The following MGAT4C variants were observed in gnomAD, a reference collection of about 807,000 sequenced individuals.
MGAT4C encodes MGAT4 family member C.
In MGAT4C, 19 loss-of-function variants were observed where a neutral mutation model predicts 40.1. The observed-to-expected ratio is 0.47, with a 90% CI of 0.33 to 0.70. The LOEUF is 0.70. Among genes scored for constraint, MGAT4C ranks in the 30% least tolerant of loss-of-function variants. The pLI is 0.02. For missense variants in MGAT4C, 491 were observed against 563.2 expected (o/e 0.87, Z 1.30); for synonymous variants, 181 against 187.1 (o/e 0.97, Z 0.27).
chr12:86,568,426 A>T (rs7314947), intron 2 of MGAT4C, among the ~76,000 whole-genome samples: 4 of 151,702 alleles, frequency 2.6e-5, no homozygotes, highest in African/African-American at 7.3e-5. Context: ...GCCCTGTTCG[A>T]TTCCCTACTT....
intron 1 of MGAT4C, among the ~76,000 whole-genome samples, chr12:86,827,468 G>C: frequency 6.6e-6 from 1 of 151,266 alleles, no homozygotes; most frequent in East Asian, 1.9e-4. Flanking sequence ...ATAACTACCA[G>C]GTCAGAATCA....
chr12:86,348,925 TTG>T (rs1375795526), intron 3 of MGAT4C, among the ~76,000 whole-genome samples: 2 of 152,126 alleles, frequency 1.3e-5, no homozygotes, highest in Admixed American at 6.6e-5. Context: ...ATTATCAACT[TTG>T]TGGAATTTTC....
intron 2 of MGAT4C, among the ~76,000 whole-genome samples, chr12:86,562,177 T>A (rs1259217843): frequency 2.0e-5 from 3 of 152,166 alleles, no homozygotes; most frequent in African/African-American, 7.2e-5. Context: ...AGAAGCACAC[T>A]CTGAGCCTCA....
intron 2 of MGAT4C, among the ~76,000 whole-genome samples, chr12:85,995,671 C>T (rs1333125405): frequency 6.6e-6 from 1 of 152,066 alleles, no homozygotes; most frequent in African/African-American, 2.4e-5. Flanking sequence ...ACATTGAGAC[C>T]ACCCTGGGCA....
intron 1 of MGAT4C, among the ~76,000 whole-genome samples, chr12:86,117,030 C>T (rs550803976): frequency 6.3e-4 from 96 of 151,966 alleles, no homozygotes; most frequent in South Asian, 2.7e-3. Context: ...GGTTCTGAGA[C>T]GCTATATTTG....
chr12:86,736,550 GCACCTC>G (rs1043358759), intron 1 of MGAT4C, among the ~76,000 whole-genome samples: 8 of 151,646 alleles, frequency 5.3e-5, no homozygotes, highest in Non-Finnish European at 1.0e-4. Flanking sequence ...CTATTCATCT[GCACCTC>G]CACCAGTGAA....
intron 2 of MGAT4C, among the ~76,000 whole-genome samples, chr12:86,042,728 C>T (rs112354201): frequency 0.085 from 12,820 of 151,606 alleles, 1,202 homozygotes; most frequent in African/African-American, 0.24. Flanking sequence ...ATTAGCTGGG[C>T]GTGGTGGCAG....
At chr12:86,426,868 A>G (rs1482424205) in intron 3 of MGAT4C, among the ~76,000 whole-genome samples, 1 of 151,994 alleles carries the variant, frequency 6.6e-6, no homozygotes, top group Non-Finnish European at 1.5e-5. Context: ...AATGGCGTGA[A>G]CCCGGGAGGC....
intron 1 of MGAT4C, among the ~76,000 whole-genome samples, chr12:86,103,398 A>G (rs1278380053): frequency 6.6e-6 from 1 of 152,176 alleles, no homozygotes; most frequent in Non-Finnish European, 1.5e-5. Context: ...ACAGAATAGA[A>G]CACACACAGA....
At chr12:86,820,842 T>C (rs930583887) in intron 1 of MGAT4C, among the ~76,000 whole-genome samples, 10 of 150,898 alleles carry the variant, frequency 6.6e-5, no homozygotes, top group Non-Finnish European at 1.5e-4. Context: ...ATTTGGTTAC[T>C]ACTTTTAAAT....
intron 1 of MGAT4C, among the ~76,000 whole-genome samples, chr12:86,251,014 A>G (rs1952250168): frequency 1.3e-5 from 2 of 152,064 alleles, no homozygotes; most frequent in Admixed American, 1.3e-4. Context: ...TGAAAATACT[A>G]AAGAGAGGCA....
At chr12:86,016,471 A>G (rs1044185880) in intron 2 of MGAT4C, 3 of 152,186 alleles carry the variant, frequency 2.0e-5, no homozygotes, top group African/African-American at 7.2e-5. Flanking sequence ...CGTGATACCA[A>G]CGTTATCATC....
intron 2 of MGAT4C, among the ~76,000 whole-genome samples, chr12:86,672,886 C>A (rs1404351347): frequency 1.3e-5 from 2 of 151,776 alleles, no homozygotes; most frequent in Admixed American, 1.3e-4. Flanking sequence ...TATATATGTA[C>A]CCTCTGAATC....
chr12:86,764,129 T>C (rs1378326026), intron 1 of MGAT4C, among the ~76,000 whole-genome samples: 1 of 152,082 alleles, frequency 6.6e-6, no homozygotes, highest in Non-Finnish European at 1.5e-5. Context: ...GGGTGACAGA[T>C]GGCACCTGGA....
chr12:86,236,846 G>A (rs1592540223), intron 1 of MGAT4C, among the ~76,000 whole-genome samples: 1 of 151,936 alleles, frequency 6.6e-6, no homozygotes, highest in African/African-American at 2.4e-5. Context: ...AAAAAGCAGA[G>A]TTATCTAATG....
chr12:86,098,006 C>T (rs12814376), intron 1 of MGAT4C, among the ~76,000 whole-genome samples: 1 of 151,598 alleles, frequency 6.6e-6, no homozygotes, highest in Non-Finnish European at 1.5e-5. Context: ...GAACACCTGC[C>T]TGAATTACAT....
intron 2 of MGAT4C, among the ~76,000 whole-genome samples, chr12:86,617,622 A>G (rs1042844910): frequency 4.6e-5 from 7 of 152,112 alleles, no homozygotes; most frequent in African/African-American, 9.6e-5. Flanking sequence ...CGGGAGGCGG[A>G]GCTTGCAGTG....
chr12:86,826,327 T>G (rs1315824226), intron 1 of MGAT4C, among the ~76,000 whole-genome samples: 1 of 151,450 alleles, frequency 6.6e-6, no homozygotes, highest in Non-Finnish European at 1.5e-5. Flanking sequence ...TGAGGTCACA[T>G]TTATTTCATG....
At chr12:86,439,198 A>G (rs2136276404) in intron 2 of MGAT4C, among the ~76,000 whole-genome samples, 1 of 152,086 alleles carries the variant, frequency 6.6e-6, no homozygotes, top group Non-Finnish European at 1.5e-5. Context: ...CCTACAAATC[A>G]TTCTCCAAGA....
Sources: gnomAD v4.1 joint callset for allele counts (sites outside exome capture counted in the v4.1 genomes callset) on GRCh38, gnomAD v4.1.1 for gene constraint, MANE v1.5 for transcripts, NCBI Gene and HGNC (gene_info 2026-07-23, HGNC 2026-07-21) for gene names.